The following RABIF variants were observed in gnomAD, a reference collection of about 807,000 sequenced individuals.
RABIF encodes RAB interacting factor, also known as guanine nucleotide exchange factor MSS4.
RABIF carries 13 observed loss-of-function variants against 12.3 expected under a neutral mutation model. The ratio of observed to expected loss-of-function variants is 1.06; its 90% CI spans 0.69 to 1.68. The LOEUF (loss-of-function observed/expected upper bound fraction) is 1.68. RABIF is among the 40% of genes most tolerant of loss of function. The probability of loss-of-function intolerance (pLI) is 0.00; values close to 1 mark genes in which losing one functional copy is unlikely to be tolerated. For missense variants in RABIF, 153 were observed against 158.0 expected, an observed-to-expected ratio of 0.97 and a Z score of 0.17; for synonymous variants, 70 against 63.3, an observed-to-expected ratio of 1.11 and a Z score of -0.50.
rs907612085 is a variant in RABIF, at chr1:202,878,607, T to G, written c.*2371A>C. 3.3e-5 allele frequency among the ~76,000 whole-genome samples: 5 copies of G among 152,246 alleles called. No homozygotes were observed. Among genetic ancestry groups the G allele is most frequent in the Admixed American group, 1.3e-4 (2 of 15,286 alleles). On this transcript the variant is annotated 3_prime_UTR_variant, in exon 2 of 2. Transcript: ENST00000367262. The stretch of plus-strand genomic sequence containing the variant: ...ATGGTGACAATTTGTGAAATGTCAG[T>G]ACACCACTGCCCATCTTTGATTCCA...
chr1:202,884,743 G>A (rs1256729565), intron 1 of RABIF, among the ~76,000 whole-genome samples: 1 of 152,054 alleles, frequency 6.6e-6, no homozygotes. Context: ...CCCCCAGTGA[G>A]AACTGCCTCG....
rs560662450 is a variant in RABIF at position 202,880,589 on chromosome 1, A to C, written c.*389T>G. ...AAAAAGGCAGATTTCAACTATTAGTACATAAGCATCTTTTGTTATGTGTCA... is the reference window on the plus strand; with the variant it reads ...AAAAAGGCAGATTTCAACTATTAGTCCATAAGCATCTTTTGTTATGTGTCA... On this transcript the variant is annotated 3_prime_UTR_variant, in exon 2 of 2. Coordinates refer to ENST00000367262, the MANE Select transcript of RABIF (RefSeq NM_002871.5). 6.8e-5 allele frequency: 44 copies of C among 647,176 alleles called. 1 individual carries two copies. The South Asian group carries it at 2.8e-3, about 41-fold the overall frequency. The allele number at this position is 647,176 out of a possible 1,614,324, so 40.1% of individuals were successfully genotyped here.
intron 1 of RABIF, among the ~76,000 whole-genome samples, chr1:202,882,427 G>A (rs1659504179): frequency 1.3e-5 from 2 of 152,094 alleles, no homozygotes; most frequent in Non-Finnish European, 1.5e-5. Flanking sequence ...ATGGTGGCAA[G>A]TGTCCGTAGT....
intron 1 of RABIF, among the ~76,000 whole-genome samples, 183 bp from the exon 2 acceptor site, chr1:202,881,406 T>C (rs1383442336): frequency 7.1e-6 from 1 of 140,204 alleles, no homozygotes; most frequent in Admixed American, 7.3e-5. Context: ...CTGCCCTGAT[T>C]CTTTTTTTTT....
chr1:202,883,077 C>T (rs1463428713), intron 1 of RABIF, among the ~76,000 whole-genome samples: 1 of 152,190 alleles, frequency 6.6e-6, no homozygotes, highest in East Asian at 1.9e-4. Flanking sequence ...ATAGTGTATA[C>T]ACTCTTAGCT....
rs1659442758 is a variant in RABIF at position 202,878,566 on chromosome 1, T to C, written c.*2412A>G. Among the ~76,000 whole-genome samples, 1 of 152,246 alleles carries C rather than the reference T, an allele frequency of 6.6e-6. No homozygotes were observed. Among genetic ancestry groups the C allele is most frequent in the South Asian group, 2.1e-4 (1 of 4,834 alleles). On this transcript the variant is annotated 3_prime_UTR_variant, in exon 2 of 2. Transcript: ENST00000367262. ...CCTCATAGTTACTCAGTTACATGTG[T>C]AGCCTCATATACAACATGGTGACAA...
chr1:202,880,674 C>T lies in RABIF; in HGVS notation c.*304G>A, dbSNP rs2102395101. On this transcript the variant is annotated 3_prime_UTR_variant, in exon 2 of 2. Coordinates refer to ENST00000367262, the MANE Select transcript of RABIF (RefSeq NM_002871.5). The stretch of plus-strand genomic sequence containing the variant: ...GCAAGAAAAAGCGGGAGCCCCTGGG[C>T]AAAACAGAGCCTAGGGAGAATGCCA... The T allele has an allele frequency of 9.2e-7, 1 of 1,090,776 alleles. No homozygotes were observed. Among genetic ancestry groups the T allele is most frequent in the East Asian group, 5.6e-5 (1 of 17,844 alleles). The allele number at this position is 1,090,776 out of a possible 1,614,324, so 67.6% of individuals were successfully genotyped here.
intron 1 of RABIF, among the ~76,000 whole-genome samples, chr1:202,886,310 A>G (rs1571505675): frequency 1.5e-4 from 2 of 13,340 alleles, no homozygotes; most frequent in African/African-American, 3.3e-4. Flanking sequence ...GGGGGAGGGG[A>G]TGGGAGGGGA....
chr1:202,885,716 G>A (rs1659551007), intron 1 of RABIF, among the ~76,000 whole-genome samples: 1 of 152,098 alleles, frequency 6.6e-6, no homozygotes, highest in South Asian at 2.1e-4. Flanking sequence ...ATAAATAACT[G>A]GTTAGAATCT....
At position 202,880,680 on chromosome 1, in the gene RABIF, A is replaced by C. The variant is rs1438896066; in HGVS notation, c.*298T>G. On this transcript the variant is annotated 3_prime_UTR_variant, in exon 2 of 2. Transcript: ENST00000367262. The stretch of plus-strand genomic sequence containing the variant: ...AAAAGCGGGAGCCCCTGGGCAAAAC[A>C]GAGCCTAGGGAGAATGCCAGGGAAG... 1 of 1,105,012 alleles carries C rather than the reference A, an allele frequency of 9.0e-7. No homozygotes were observed. Among genetic ancestry groups the C allele is most frequent in the East Asian group, 5.2e-5 (1 of 19,086 alleles). The allele number at this position is 1,105,012 out of a possible 1,614,324, so 68.5% of individuals were successfully genotyped here.
chr1:202,885,086 C>CAAAAA (rs113531957), intron 1 of RABIF, among the ~76,000 whole-genome samples: 74 of 120,476 alleles, frequency 6.1e-4, no homozygotes, highest in East Asian at 1.6e-3. Flanking sequence ...GACTCTATCT[C>CAAAAA]AAAAAAAAAA....
intron 1 of RABIF, among the ~76,000 whole-genome samples, chr1:202,882,182 C>A (rs1427959789): frequency 1.3e-5 from 2 of 152,060 alleles, no homozygotes; most frequent in East Asian, 3.9e-4. Flanking sequence ...GAGTTCAAGA[C>A]CAGCCTAGGC....
intron 1 of RABIF, among the ~76,000 whole-genome samples, chr1:202,883,031 C>T (rs186153996): frequency 6.6e-5 from 10 of 152,270 alleles, no homozygotes; most frequent in Non-Finnish European, 8.8e-5. Context: ...GCCTCTGGCA[C>T]GCACACACAC....
At position 202,880,895 on chromosome 1, in the gene RABIF, G is replaced by C; in HGVS notation, c.*83C>G. 1 of 1,554,560 alleles carries C rather than the reference G, an allele frequency of 6.4e-7. No homozygotes were observed. The highest frequency in any genetic ancestry group is 8.7e-7 in the Non-Finnish European group (1 of 1,149,940). On this transcript the variant is annotated 3_prime_UTR_variant, in exon 2 of 2. Coordinates refer to ENST00000367262, the MANE Select transcript of RABIF (RefSeq NM_002871.5). ...TATTAGCACAGACAAGAAGGCAGCG[G>C]AACAGTTATACCACATTAAAGGCCA...
chr1:202,878,436 T>C lies in RABIF; in HGVS notation c.*2542A>G, dbSNP rs2102394006. ...ATTCTTCAAAGTCAAGTCGGCTCTC[T>C]TGGTGTGTTCACACAGATTTCTAAA... On this transcript the variant is annotated 3_prime_UTR_variant, in exon 2 of 2. Transcript: ENST00000367262. Among the ~76,000 whole-genome samples the C allele has an allele frequency of 6.6e-6, 1 of 152,338 alleles. No individual in the cohort carries two copies. The highest frequency in any genetic ancestry group is 1.5e-5 in the Non-Finnish European group (1 of 68,028).
intron 1 of RABIF, among the ~76,000 whole-genome samples, chr1:202,884,044 T>G (rs1054724456): frequency 8.5e-5 from 13 of 152,124 alleles, no homozygotes; most frequent in Non-Finnish European, 1.8e-4. Context: ...AGTATGTAAT[T>G]TGAGGCAAAC....
At position 202,886,204 on chromosome 1, in the gene RABIF, T is replaced by C. The variant is rs538007824; in HGVS notation, c.126+2769A>G. ...TTGACTGGTTGGAAGCTGCAGTGAG[T>C]CATGCTTTTGACAGAGCACAACGGG... On this transcript the variant is annotated intron_variant, in intron 1 of 1. Coordinates refer to ENST00000367262, the MANE Select transcript of RABIF (RefSeq NM_002871.5). Among the ~76,000 whole-genome samples, 4 of 139,444 alleles carry C rather than the reference T, an allele frequency of 2.9e-5. No individual in the cohort carries two copies. The East Asian group carries it at 8.8e-4, about 31-fold the overall frequency. 91.5% of individuals were successfully genotyped at this position (139,444 alleles called of 152,430 possible).
rs1659455105 is a variant in RABIF, at chr1:202,879,403, A to G, written c.*1575T>C. ...TCACTATGTTGCCCAGGCTAGTCTC[A>G]AACTCAATTTAAAAAATGCTTAGCT... On this transcript the variant is annotated 3_prime_UTR_variant, in exon 2 of 2. Coordinates refer to ENST00000367262, the MANE Select transcript of RABIF (RefSeq NM_002871.5). 1 of 152,242 alleles carries G rather than the reference A, an allele frequency of 6.6e-6. No individual in the cohort carries two copies. Among genetic ancestry groups the G allele is most frequent in the African/African-American group, 2.4e-5 (1 of 41,456 alleles). The allele number at this position is 152,242 out of a possible 1,614,324, so 9.4% of individuals were successfully genotyped here. A position where few individuals can be genotyped will look rare whatever the true frequency, so the allele number is the denominator to read the frequency against.
In RABIF at chr1:202,881,184, C is replaced by CA; in HGVS notation, c.165dup (p.Asp56Ter). On this transcript the variant is annotated frameshift_variant, in exon 2 of 2. Coordinates refer to ENST00000367262, the MANE Select transcript of RABIF (RefSeq NM_002871.5). LOFTEE classifies it high-confidence loss of function. ...AGATCGCCGTCAGGATTGCTGCCGT[C>CA]AGACAGAGCTGGCTTCTTTCTCATG... 3 of 1,614,136 alleles carry CA rather than the reference C, an allele frequency of 1.9e-6. No individual in the cohort carries two copies. The highest frequency in any genetic ancestry group is 2.5e-6 in the Non-Finnish European group (3 of 1,179,996).
Sources: gnomAD v4.1 joint callset for allele counts (sites outside exome capture counted in the v4.1 genomes callset) on GRCh38, gnomAD v4.1.1 for gene constraint, MANE v1.5 for transcripts, NCBI Gene and HGNC (gene_info 2026-07-23, HGNC 2026-07-21) for gene names.